LYPD6: variants seen among roughly 807,000 people sequenced by gnomAD.
LYPD6 encodes ly6/PLAUR domain-containing protein 6.
A neutral mutation model predicts 22.7 loss-of-function variants in LYPD6; 15 were observed. The observed-to-expected ratio is 0.66, with a 90% confidence interval of 0.44 to 1.02. The LOEUF is 1.02. Among genes scored for constraint, LYPD6 ranks in the 50% least tolerant of loss-of-function variants. LYPD6 has a pLI of 0.00. For synonymous variants in LYPD6, 72 were observed against 77.5 expected (o/e 0.93, Z 0.37); for missense variants, 189 against 208.4 (o/e 0.91, Z 0.57).
intron 1 of LYPD6, among the ~76,000 whole-genome samples, chr2:149,411,027 C>T (rs541026193): frequency 5.9e-5 from 9 of 152,254 alleles, no homozygotes; most frequent in Admixed American, 5.9e-4. Flanking sequence ...AGTCATCGAC[C>T]ATTAGGATTA....
chr2:149,388,155 A>G (rs1177233583), intron 1 of LYPD6, among the ~76,000 whole-genome samples: 2 of 149,066 alleles, frequency 1.3e-5, no homozygotes, highest in East Asian at 2.0e-4. Flanking sequence ...AATATGTGTA[A>G]CTACCTTTCT....
chr2:149,360,606 C>A (rs1280005757), intron 1 of LYPD6, among the ~76,000 whole-genome samples: 1 of 148,426 alleles, frequency 6.7e-6, no homozygotes, highest in Non-Finnish European at 1.5e-5. Context: ...TTAGTCTTTA[C>A]TTGTTTTTTT....
chr2:149,381,492 A>T (rs1331874037), intron 1 of LYPD6, among the ~76,000 whole-genome samples: 2 of 152,152 alleles, frequency 1.3e-5, no homozygotes, highest in African/African-American at 4.8e-5. Flanking sequence ...TGGTGGTGAG[A>T]CCATGTGCCA....
At chr2:149,367,311 G>T (rs1483401201) in intron 1 of LYPD6, among the ~76,000 whole-genome samples, 1 of 152,108 alleles carries the variant, frequency 6.6e-6, no homozygotes, top group Non-Finnish European at 1.5e-5. Flanking sequence ...AGGGCTTTTG[G>T]ACTGAGGGCC....
intron 1 of LYPD6, among the ~76,000 whole-genome samples, chr2:149,395,564 G>A (rs527920143): frequency 4.8e-4 from 73 of 151,996 alleles, no homozygotes; most frequent in Admixed American, 2.9e-3. Context: ...TCATTGATTC[G>A]AGTACTTTTT....
chr2:149,372,173 G>T (rs181890736), intron 1 of LYPD6, among the ~76,000 whole-genome samples: 1 of 152,264 alleles, frequency 6.6e-6, no homozygotes, highest in Admixed American at 6.5e-5. Context: ...TGTTCAGTGG[G>T]TGCAGGTGAG....
At chr2:149,358,020 A>C (rs548216950) in intron 1 of LYPD6, among the ~76,000 whole-genome samples, 2 of 152,212 alleles carry the variant, frequency 1.3e-5, no homozygotes, top group African/African-American at 4.8e-5. Flanking sequence ...TCCTGACCTC[A>C]GGTGATCCGC....
intron 1 of LYPD6, among the ~76,000 whole-genome samples, chr2:149,376,898 A>G (rs867017604): frequency 1.7e-4 from 26 of 152,378 alleles, no homozygotes; most frequent in African/African-American, 5.5e-4. Flanking sequence ...ATATGGAGCA[A>G]TCCAAAGCTC....
chr2:149,360,837 T>C (rs989438329), intron 1 of LYPD6, among the ~76,000 whole-genome samples: 2 of 152,188 alleles, frequency 1.3e-5, no homozygotes, highest in Non-Finnish European at 2.9e-5. Context: ...CTTCTGATCA[T>C]TTTTCTACTC....
intron 1 of LYPD6, among the ~76,000 whole-genome samples, chr2:149,372,477 C>T (rs1681833471): frequency 6.6e-6 from 1 of 152,202 alleles, no homozygotes; most frequent in African/African-American, 2.4e-5. Flanking sequence ...TACTGAGGGA[C>T]AATTCACAAG....
upstream of LYPD6, chr2:149,330,508 G>A (rs2105038055): frequency 6.7e-6 from 1 of 149,116 alleles, no homozygotes; most frequent in Non-Finnish European, 1.5e-5. Context: ...CCGCGGCTGC[G>A]GGCGGCGGCC....
intron 1 of LYPD6, among the ~76,000 whole-genome samples, chr2:149,375,952 G>A (rs1681911529): frequency 6.6e-6 from 1 of 152,206 alleles, no homozygotes; most frequent in Non-Finnish European, 1.5e-5. Context: ...AATTACAATA[G>A]CAGCGTTTTC....
At chr2:149,393,887 G>A (rs2105101287) in intron 1 of LYPD6, among the ~76,000 whole-genome samples, 1 of 152,286 alleles carries the variant, frequency 6.6e-6, no homozygotes, top group East Asian at 1.9e-4. Context: ...CAAAAAGATA[G>A]GGCAGTGACA....
At chr2:149,363,806 C>T (rs1681612934) in intron 1 of LYPD6, among the ~76,000 whole-genome samples, 1 of 152,038 alleles carries the variant, frequency 6.6e-6, no homozygotes, top group African/African-American at 2.4e-5. Flanking sequence ...TTGCAGATTT[C>T]CTCATACCAG....
Position 149,468,633 on chromosome 2 carries a change from C to G in LYPD6, c.218-12C>G. The G allele has an allele frequency of 6.2e-7, 1 of 1,609,514 alleles. No individual in the cohort carries two copies. The highest frequency in any genetic ancestry group is 8.5e-7 in the Non-Finnish European group (1 of 1,178,686). Reference sequence around the variant, plus strand: ...ACATTTCCCATCTCAAATATATTTTCTCTGTTGACAGAGACCAGATACTGC... The same window carrying G: ...ACATTTCCCATCTCAAATATATTTTGTCTGTTGACAGAGACCAGATACTGC... On this transcript the variant is annotated splice_polypyrimidine_tract_variant and intron_variant, in intron 3 of 4. Transcript: ENST00000334166.
intron 1 of LYPD6, among the ~76,000 whole-genome samples, chr2:149,351,392 T>TG (rs1336210625): frequency 1.2e-5 from 1 of 83,116 alleles, no homozygotes; most frequent in East Asian, 4.1e-4. Flanking sequence ...AGACTCCATC[T>TG]AAAAAAAAAA....
chr2:149,443,119 G>A (rs1253473670), intron 2 of LYPD6, among the ~76,000 whole-genome samples: 4 of 152,174 alleles, frequency 2.6e-5, no homozygotes, highest in Non-Finnish European at 5.9e-5. Context: ...GGCCTCTTAT[G>A]TAAGAAATAA....
At chr2:149,381,288 G>A (rs1573756737) in intron 1 of LYPD6, among the ~76,000 whole-genome samples, 1 of 152,166 alleles carries the variant, frequency 6.6e-6, no homozygotes, top group East Asian at 1.9e-4. Flanking sequence ...ACAGTATGAA[G>A]GTTTATTGCT....
At chr2:149,437,587 C>G (rs1166799373) in intron 1 of LYPD6, 51 bp from the exon 2 acceptor site, 1 of 1,514,440 alleles carries the variant, frequency 6.6e-7, no homozygotes, top group African/African-American at 1.4e-5. Flanking sequence ...GCCAAGCCTC[C>G]TGTGGCTTTC....
Sources: allele counts gnomAD v4.1 joint callset (sites outside exome capture counted in the v4.1 genomes callset), GRCh38; gene constraint gnomAD v4.1.1; transcripts MANE v1.5; gene names NCBI Gene and HGNC (gene_info 2026-07-23, HGNC 2026-07-21).